The following BTK variants were observed in gnomAD, a reference collection of about 807,000 sequenced individuals.
BTK encodes Bruton tyrosine kinase, also known as tyrosine-protein kinase BTK.
BTK carries 5 observed loss-of-function variants against 57.4 expected under a neutral mutation model. The ratio of observed to expected loss-of-function variants is 0.09; its 90% CI spans 0.05 to 0.18. The LOEUF is 0.18. BTK is among the 10% of genes least tolerant of loss of function. The pLI, the probability that BTK is intolerant of heterozygous loss-of-function variation, is 1.00. For missense variants in BTK, 194 were observed against 501.2 expected, an observed-to-expected ratio of 0.39 and a Z score of 5.85; for synonymous variants, 154 against 174.3, an observed-to-expected ratio of 0.88 and a Z score of 0.92.
intron 16 of BTK, chrX:101,354,357 T>C (rs1440715094): frequency 2.4e-6 from 1 of 419,543 alleles, no homozygotes; most frequent in Non-Finnish European, 4.1e-6. Context: ...GTCATCAGGA[T>C]TAATAGATCA....
At chrX:101,353,085 A>T in intron 18 of BTK, 109 bp downstream of exon 18, 11 of 711,319 alleles carry the variant, frequency 1.5e-5, no homozygotes, top group South Asian at 5.5e-5. Flanking sequence ...AAAAAAAAAA[A>T]GGAAAAAAAA....
chrX:101,372,353 G>C (rs1409061023), intron 3 of BTK, among the ~76,000 whole-genome samples: 2 of 111,768 alleles, frequency 1.8e-5, no homozygotes, highest in African/African-American at 6.5e-5. Flanking sequence ...GTAAAAAATG[G>C]ACCAAAAATT....
At position 101,360,758 on chromosome X, in the gene BTK, A is replaced by G. The variant is rs1555978518; in HGVS notation, c.589-3T>C. The stretch of plus-strand genomic sequence containing the variant: ...GGCGGTAGTGGCTTTTTCAAGATCT[A>G]TGTAGTTAGGAGAAAAGGTAGGAGG... On this transcript the variant is annotated splice_region_variant and splice_polypyrimidine_tract_variant and intron_variant, in intron 7 of 18. Transcript: ENST00000308731. 15 of 1,206,382 alleles carry G rather than the reference A, an allele frequency of 1.2e-5. No individual in the cohort carries two copies.
upstream of BTK, among the ~76,000 whole-genome samples, chrX:101,387,025 C>T (rs1927630324): frequency 9.0e-6 from 1 of 111,588 alleles, no homozygotes; most frequent in Non-Finnish European, 1.9e-5. Flanking sequence ...TGGTGGAGCC[C>T]CTGCTGACTG....
At chrX:101,367,961 A>G (rs1477722284) in intron 5 of BTK, among the ~76,000 whole-genome samples, 2 of 111,839 alleles carry the variant, frequency 1.8e-5, no homozygotes, top group African/African-American at 6.5e-5. Flanking sequence ...AAGAAGTACA[A>G]GTATACATGT....
At chrX:101,353,772 G>C (rs782324066) in intron 17 of BTK, 98 bp downstream of exon 17, 2 of 762,302 alleles carry the variant, frequency 2.6e-6, no homozygotes, top group Non-Finnish European at 4.1e-6. Context: ...AAGAATGAAA[G>C]CAAGAACAAT....
upstream of BTK, among the ~76,000 whole-genome samples, chrX:101,390,071 G>A (rs148225314): frequency 2.9e-3 from 322 of 111,924 alleles, 1 homozygote; most frequent in African/African-American, 9.9e-3. Flanking sequence ...ACTAAATACC[G>A]TTGACATTGG....
intron 7 of BTK, 129 bp downstream of exon 7, chrX:101,362,044 C>T (rs1926688529): frequency 8.8e-6 from 6 of 681,820 alleles, no homozygotes; most frequent in Non-Finnish European, 1.4e-5. Flanking sequence ...AAGAACAAAT[C>T]CCCCATCTTA....
chrX:101,377,003 T>C (rs1174739363), intron 1 of BTK, among the ~76,000 whole-genome samples: 3 of 111,222 alleles, frequency 2.7e-5, no homozygotes, highest in African/African-American at 9.8e-5. Flanking sequence ...TTCTGGAAGA[T>C]CGCTTTGCCA....
chrX:101,384,057 C>G (rs781843845), intron 1 of BTK, among the ~76,000 whole-genome samples: 5 of 111,660 alleles, frequency 4.5e-5, no homozygotes, highest in Non-Finnish European at 9.4e-5. Context: ...TCTCAGCAAT[C>G]AGATCATTGT....
chrX:101,362,530 A>G, intron 6 of BTK, 31 bp downstream of exon 6: 1 of 1,211,167 alleles, frequency 8.3e-7, no homozygotes, highest in Non-Finnish European at 1.1e-6. Context: ...CAGTCAAAGG[A>G]GAAAGAAATT....
chrX:101,379,610 G>A (rs370728632), intron 1 of BTK, among the ~76,000 whole-genome samples: 5 of 111,979 alleles, frequency 4.5e-5, no homozygotes, highest in East Asian at 5.6e-4. Flanking sequence ...ACTGCCTACC[G>A]GAGGGATTTT....
Position 101,374,582 on chromosome X carries a change from T to G in BTK, c.194A>C (p.Glu65Ala), listed in dbSNP as rs1555980793. The change falls in exon 3 of 19, where the codon GAA (glutamate) becomes GCA (alanine). Residue 65 changes from glutamate to alanine, a missense_variant. Glu to Ala is a moderately radical substitution (Grantham distance 107). This residue lies in a region of BTK where 115 missense variants were observed against 258.3 expected (regional missense o/e 0.45). Coordinates refer to ENST00000308731, the MANE Select transcript of BTK (RefSeq NM_000061.3). The part of the protein sequence containing the change: ...SIDVEKITCV[E>A]TVVPEKNPPP... ...AGGATTTTTTTCAGGAACCACTGTTTCAACACAAGTGATCTTCTCAACATC... is the reference window on the plus strand; with the variant it reads ...AGGATTTTTTTCAGGAACCACTGTTGCAACACAAGTGATCTTCTCAACATC... The G allele has an allele frequency of 4.1e-6, 5 of 1,211,571 alleles. No individual in the cohort carries two copies. The South Asian group carries it at 8.8e-5, about 21-fold the overall frequency.
At chrX:101,360,447 A>T in intron 8 of BTK, 121 bp downstream of exon 8, 1 of 779,527 alleles carries the variant, frequency 1.3e-6, no homozygotes, top group East Asian at 3.2e-5. Flanking sequence ...GAGCATGTTC[A>T]GTCTGGTGTG....
In BTK at chrX:101,363,887, CATTATTATTATTATTATT is replaced by C. The variant is rs72240121; in HGVS notation, c.392-1216_392-1199del. Among the ~76,000 whole-genome samples, 518 of 81,812 alleles carry C rather than the reference CATTATTATTATTATTATT, an allele frequency of 6.3e-3. 1 individual carries two copies. The highest frequency in any genetic ancestry group is 0.023 in the Middle Eastern group (4 of 173). 71.0% of individuals were successfully genotyped at this position (81,812 alleles called of 115,157 possible). On this transcript the variant is annotated intron_variant, in intron 5 of 18. Transcript: ENST00000308731. ...ATTTACAGCTAAGAAGAATCCCGCA[CATTATTATTATTATTATT>C]ATTATTATTATTATTATTATTATTA...
At chrX:101,367,087 T>G (rs782614365) in intron 5 of BTK, among the ~76,000 whole-genome samples, 2 of 108,117 alleles carry the variant, frequency 1.8e-5, no homozygotes, top group Non-Finnish European at 3.8e-5. Flanking sequence ...CTACCAAAGA[T>G]ACAAAAATTA....
intron 1 of BTK, chrX:101,378,012 T>C (rs1214283480): frequency 8.9e-6 from 1 of 111,867 alleles, no homozygotes; most frequent in Non-Finnish European, 1.9e-5. Context: ...GGTTGGTGTG[T>C]AACACACAGC....
intron 5 of BTK, among the ~76,000 whole-genome samples, chrX:101,368,107 T>A (rs782028720): frequency 8.9e-6 from 1 of 112,063 alleles, no homozygotes; most frequent in African/African-American, 3.2e-5. Context: ...TTGGGCAAGT[T>A]ACTTAACCTC....
chrX:101,359,885 A>G, intron 9 of BTK, among the ~76,000 whole-genome samples: 1 of 106,095 alleles, frequency 9.4e-6, no homozygotes, highest in Admixed American at 1.0e-4. Flanking sequence ...AAGTGTATAT[A>G]TATATATACA....
Sources: allele counts gnomAD v4.1 joint callset (sites outside exome capture counted in the v4.1 genomes callset), GRCh38; gene constraint gnomAD v4.1.1; regional missense constraint gnomAD v4.1.1; transcripts MANE v1.5; gene names NCBI Gene and HGNC (gene_info 2026-07-23, HGNC 2026-07-21).